ZNF609: variants seen among roughly 807,000 people sequenced by gnomAD.
ZNF609 encodes zinc finger protein 609.
ZNF609 carries 11 observed loss-of-function variants against 109.5 expected under a neutral mutation model. The ratio of observed to expected loss-of-function variants is 0.10; its 90% CI spans 0.06 to 0.17. The LOEUF (loss-of-function observed/expected upper bound fraction) is 0.17, where lower values mean the gene tolerates loss of function less well. Among genes scored for constraint, ZNF609 ranks in the 10% least tolerant of loss-of-function variants. ZNF609 has a pLI of 1.00. For missense variants in ZNF609, 1,559 were observed against 1,772.4 expected, an observed-to-expected ratio of 0.88 and a Z score of 2.16; for synonymous variants, 646 against 662.0, an observed-to-expected ratio of 0.98 and a Z score of 0.37.
In ZNF609 at chr15:64,674,219, G is replaced by A; in HGVS notation, c.1365G>A (p.Glu455=). 1 of 1,614,194 alleles carries A rather than the reference G, an allele frequency of 6.2e-7. No individual in the cohort carries two copies. The highest frequency in any genetic ancestry group is 1.1e-5 in the South Asian group (1 of 91,084). Residue 455 remains glutamate (E), a synonymous_variant, in exon 5 of 10, where the codon GAG becomes GAA. Transcript: ENST00000326648. ...ACATGGAGCTGAATTCTAGCTCAGA[G>A]GACTCCAAAGGGAGCAAGCGTGTCC... is the stretch of plus-strand genomic sequence containing the variant. ...LSDMELNSSS[E]DSKGSKRVRT...
chr15:64,547,290 C>G (rs1359811421), intron 2 of ZNF609, among the ~76,000 whole-genome samples: 1 of 152,046 alleles, frequency 6.6e-6, no homozygotes, highest in African/African-American at 2.4e-5. Flanking sequence ...TGGACTTACT[C>G]AACTTTAGAC....
At chr15:64,662,560 A>C (rs1209360049) in intron 3 of ZNF609, among the ~76,000 whole-genome samples, 1 of 152,204 alleles carries the variant, frequency 6.6e-6, no homozygotes, top group African/African-American at 2.4e-5. Flanking sequence ...CCTATGCTCA[A>C]GCAATCCTCC....
At chr15:64,525,908 C>T (rs1175184018) in intron 2 of ZNF609, among the ~76,000 whole-genome samples, 1 of 151,790 alleles carries the variant, frequency 6.6e-6, no homozygotes, top group Non-Finnish European at 1.5e-5. Flanking sequence ...CCTGTTTCAG[C>T]CTCCCAAATA....
chr15:64,602,392 A>G (rs1481503046), intron 2 of ZNF609, among the ~76,000 whole-genome samples: 4 of 152,174 alleles, frequency 2.6e-5, no homozygotes, highest in Non-Finnish European at 1.5e-5. Flanking sequence ...TTGATAATTC[A>G]TCTTTAAAAG....
Position 64,682,759 on chromosome 15 carries a change from T to C in ZNF609, c.*1073T>C, listed in dbSNP as rs940532716. 2.6e-5 allele frequency: 4 copies of C among 152,432 alleles called. No homozygotes were observed. Among genetic ancestry groups the C allele is most frequent in the African/African-American group, 9.6e-5 (4 of 41,470 alleles). 9.4% of individuals were successfully genotyped at this position (152,432 alleles called of 1,614,324 possible). On this transcript the variant is annotated 3_prime_UTR_variant, in exon 10 of 10. Transcript: ENST00000326648. ...GATGTCCTGTCATCTAGCCATCTGA[T>C]ATCTTCCTCATTTGAGGCCACAGAT...
chr15:64,653,767 G>A (rs1487424000), intron 3 of ZNF609, among the ~76,000 whole-genome samples: 3 of 152,186 alleles, frequency 2.0e-5, no homozygotes, highest in Non-Finnish European at 4.4e-5. Context: ...GTAGCTCCTT[G>A]CAGATTGAAT....
intron 3 of ZNF609, among the ~76,000 whole-genome samples, chr15:64,667,576 G>C (rs1386264334): frequency 6.6e-6 from 1 of 152,180 alleles, no homozygotes; most frequent in South Asian, 2.1e-4. Context: ...GCCCGGGCAT[G>C]GTGGCACCTG....
chr15:64,577,090 A>ATG (rs372480079), intron 2 of ZNF609, among the ~76,000 whole-genome samples: 2,047 of 33,906 alleles, frequency 0.06, 295 homozygotes, highest in Non-Finnish European at 0.11. Flanking sequence ...ATATACATAT[A>ATG]TGTATATATA....
intron 2 of ZNF609, among the ~76,000 whole-genome samples, chr15:64,511,519 A>G (rs1466006275): frequency 1.3e-5 from 2 of 151,200 alleles, no homozygotes; most frequent in Non-Finnish European, 2.9e-5. Flanking sequence ...TATAGTCGTC[A>G]TACTTAGACC....
intron 3 of ZNF609, among the ~76,000 whole-genome samples, chr15:64,662,361 T>C (rs940695489): frequency 6.6e-6 from 1 of 152,126 alleles, no homozygotes; most frequent in Non-Finnish European, 1.5e-5. Flanking sequence ...TTTTTTCCTC[T>C]GTGAATTAGG....
At chr15:64,563,099 C>T (rs377249970) in intron 2 of ZNF609, among the ~76,000 whole-genome samples, 2 of 151,992 alleles carry the variant, frequency 1.3e-5, no homozygotes, top group South Asian at 2.1e-4. Context: ...GCCATGATCA[C>T]GCCACTGCAC....
intron 3 of ZNF609, among the ~76,000 whole-genome samples, chr15:64,657,640 A>G (rs1169011947): frequency 6.6e-6 from 1 of 152,186 alleles, no homozygotes; most frequent in Non-Finnish European, 1.5e-5. Context: ...TTTGAGGTAG[A>G]TTAATCTGAC....
At chr15:64,654,806 C>T (rs190733956) in intron 3 of ZNF609, among the ~76,000 whole-genome samples, 2 of 152,196 alleles carry the variant, frequency 1.3e-5, no homozygotes, top group East Asian at 1.9e-4. Flanking sequence ...AAAAGCATAG[C>T]GCCAAGTGGG....
chr15:64,539,597 C>T (rs951475969), intron 2 of ZNF609, among the ~76,000 whole-genome samples: 8 of 151,532 alleles, frequency 5.3e-5, no homozygotes, highest in African/African-American at 2.4e-5. Flanking sequence ...TCCGACTCCC[C>T]GGTTCAAGCG....
intron 2 of ZNF609, among the ~76,000 whole-genome samples, chr15:64,560,515 T>C (rs1894658963): frequency 6.6e-6 from 1 of 152,198 alleles, no homozygotes; most frequent in Admixed American, 6.5e-5. Context: ...TTCATACTCA[T>C]TATTTAGATG....
At chr15:64,463,824 T>C (rs961437341) in intron 1 of ZNF609, among the ~76,000 whole-genome samples, 4 of 152,346 alleles carry the variant, frequency 2.6e-5, no homozygotes, top group Admixed American at 2.6e-4. Context: ...AATATTTGAG[T>C]GAAGCCTCAG....
At chr15:64,532,974 C>G (rs1249281435) in intron 2 of ZNF609, among the ~76,000 whole-genome samples, 1 of 152,006 alleles carries the variant, frequency 6.6e-6, no homozygotes, top group Non-Finnish European at 1.5e-5. Context: ...TGAGCTTTCT[C>G]TATTTGAGAA....
At chr15:64,653,040 G>T (rs991492811) in intron 3 of ZNF609, 4 of 152,154 alleles carry the variant, frequency 2.6e-5, no homozygotes, top group Non-Finnish European at 5.9e-5. Flanking sequence ...TGTGTACTGT[G>T]GCTCTTCCTA....
intron 3 of ZNF609, among the ~76,000 whole-genome samples, chr15:64,663,445 T>A (rs1375385297): frequency 6.6e-6 from 1 of 152,082 alleles, no homozygotes; most frequent in Non-Finnish European, 1.5e-5. Context: ...AAGGAGAGGA[T>A]GGGTATCAGG....
Sources: allele counts gnomAD v4.1 joint callset (sites outside exome capture counted in the v4.1 genomes callset), GRCh38; gene constraint gnomAD v4.1.1; transcripts MANE v1.5; gene names NCBI Gene and HGNC (gene_info 2026-07-23, HGNC 2026-07-21).